The following PDZRN3 variants were observed in gnomAD, a reference collection of about 807,000 sequenced individuals.
PDZRN3 encodes the protein E3 ubiquitin-protein ligase PDZRN3.
PDZRN3 carries 38 observed loss-of-function variants against 85.7 expected under a neutral mutation model. The observed-to-expected ratio is 0.44, with a 90% CI of 0.34 to 0.58. The LOEUF (loss-of-function observed/expected upper bound fraction) is 0.58. Among genes scored for constraint, PDZRN3 ranks in the 20% least tolerant of loss-of-function variants. The probability of loss-of-function intolerance (pLI) is 0.01; values close to 1 mark genes in which losing one functional copy is unlikely to be tolerated. For synonymous variants in PDZRN3, 759 were observed against 638.0 expected, an observed-to-expected ratio of 1.19 and a Z score of -2.86; for missense variants, 1,629 against 1,506.4, an observed-to-expected ratio of 1.08 and a Z score of -1.35.
chr3:73,564,372 C>T (rs1701900967), intron 3 of PDZRN3, among the ~76,000 whole-genome samples: 1 of 152,172 alleles, frequency 6.6e-6, no homozygotes, highest in African/African-American at 2.4e-5. Flanking sequence ...CACTGACAGC[C>T]ATGTGGCCTC....
rs552336589 is a variant in PDZRN3 at position 73,576,538 on chromosome 3, G to A, written c.918+25816C>T. Among the ~76,000 whole-genome samples, 5 of 152,118 alleles carry A rather than the reference G, an allele frequency of 3.3e-5. No individual in the cohort carries two copies. In the South Asian group the frequency reaches 1.0e-3, roughly 32 times the overall value. Reference sequence around the variant, plus strand: ...ATCAGTGATCCCAGCTATATAAAAGGTAGAGAAACAAGTTTTCAGGGTGAT... The same window carrying A: ...ATCAGTGATCCCAGCTATATAAAAGATAGAGAAACAAGTTTTCAGGGTGAT... On this transcript the variant is annotated intron_variant, in intron 3 of 9. Transcript: ENST00000263666.
intron 3 of PDZRN3, among the ~76,000 whole-genome samples, chr3:73,419,431 T>C (rs1320830129): frequency 6.6e-6 from 1 of 152,012 alleles, no homozygotes; most frequent in Non-Finnish European, 1.5e-5. Flanking sequence ...AGCAAAATGG[T>C]GTGTGGGTCT....
chr3:73,409,259 G>A (rs146461853), intron 3 of PDZRN3, among the ~76,000 whole-genome samples: 3 of 152,326 alleles, frequency 2.0e-5, no homozygotes, highest in African/African-American at 7.2e-5. Flanking sequence ...AGACAAGACA[G>A]ACAATTATGC....
At position 73,565,786 on chromosome 3, in the gene PDZRN3, A is replaced by AACACAAAC. The variant is rs1196865835; in HGVS notation, c.918+36567_918+36568insGTTTGTGT. On this transcript the variant is annotated intron_variant, in intron 3 of 9. Transcript: ENST00000263666. The stretch of plus-strand genomic sequence containing the variant: ...AACCCTGTCTCTACTAAAAATACAA[A>AACACAAAC]ACACACACACACACACACACACACA... Among the ~76,000 whole-genome samples the AACACAAAC allele has an allele frequency of 9.7e-4, 37 of 37,970 alleles. 1 individual carries two copies. The highest frequency in any genetic ancestry group is 1.7e-3 in the African/African-American group (36 of 21,320). The allele number at this position is 37,970 out of a possible 152,430, so 24.9% of individuals were successfully genotyped here.
chr3:73,534,389 G>C (rs1404571863), intron 3 of PDZRN3, among the ~76,000 whole-genome samples: 1 of 152,138 alleles, frequency 6.6e-6, no homozygotes, highest in Non-Finnish European at 1.5e-5. Flanking sequence ...GTTAAATTCC[G>C]TCTCTCTTTT....
At chr3:73,397,668 C>G (rs116086847) in intron 5 of PDZRN3, among the ~76,000 whole-genome samples, 177 of 152,322 alleles carry the variant, frequency 1.2e-3, no homozygotes, top group African/African-American at 4.1e-3. Flanking sequence ...CTGCAGTAGG[C>G]CTTAGCTGAT....
At chr3:73,394,700 C>G (rs1165458100) in intron 5 of PDZRN3, among the ~76,000 whole-genome samples, 1 of 152,206 alleles carries the variant, frequency 6.6e-6, no homozygotes, top group Non-Finnish European at 1.5e-5. Flanking sequence ...TTCTTAGGAA[C>G]TCTAAACAAA....
At chr3:73,400,251 A>C (rs566331855) in intron 5 of PDZRN3, among the ~76,000 whole-genome samples, 1 of 152,348 alleles carries the variant, frequency 6.6e-6, no homozygotes, top group South Asian at 2.1e-4. Context: ...AATATATTAT[A>C]CAAGTTAGTG....
chr3:73,385,739 T>C lies in PDZRN3; in HGVS notation c.1565A>G (p.Asp522Gly). Residue 522 changes from aspartate to glycine, a missense_variant, in exon 9 of 10, where the codon GAC becomes GGC. Coordinates refer to ENST00000263666, the MANE Select transcript of PDZRN3 (RefSeq NM_015009.3). ...MDDDRNDFLD[D>G]LHMDMLEEQH... ...CTCCTCCAGCATGTCCATGTGCAGG[T>C]CATCCAGAAAGTCGTTCCTGTCATC... is the stretch of plus-strand genomic sequence containing the variant. The C allele has an allele frequency of 4.3e-6, 7 of 1,614,060 alleles. No homozygotes were observed. Among genetic ancestry groups the C allele is most frequent in the Non-Finnish European group, 5.9e-6 (7 of 1,179,934 alleles).
intron 3 of PDZRN3, among the ~76,000 whole-genome samples, chr3:73,506,395 A>C (rs191457708): frequency 6.6e-6 from 1 of 152,346 alleles, no homozygotes; most frequent in African/African-American, 2.4e-5. Context: ...ATACAAATAA[A>C]GCTTTTCTAC....
At chr3:73,439,567 T>G (rs1404142337) in intron 3 of PDZRN3, among the ~76,000 whole-genome samples, 1 of 152,132 alleles carries the variant, frequency 6.6e-6, no homozygotes, top group Admixed American at 6.5e-5. Context: ...GAGTAAGACG[T>G]GGATGAAAAC....
In PDZRN3 at chr3:73,400,919, T is replaced by C; in HGVS notation, c.1254+3A>G. On this transcript the variant is annotated splice_donor_region_variant and intron_variant, in intron 5 of 9. Coordinates refer to ENST00000263666, the MANE Select transcript of PDZRN3 (RefSeq NM_015009.3). ...TAAAATGAGACAAGGATGTTCTTCATACCTCCAGCTCCAGCTCCTCCCTGT... is the reference window on the plus strand; with the variant it reads ...TAAAATGAGACAAGGATGTTCTTCACACCTCCAGCTCCAGCTCCTCCCTGT... 6.3e-7 allele frequency: 1 copy of C among 1,596,856 alleles called. No homozygotes were observed. The highest frequency in any genetic ancestry group is 8.6e-7 in the Non-Finnish European group (1 of 1,164,178).
chr3:73,542,457 T>C (rs1247247860), intron 3 of PDZRN3, among the ~76,000 whole-genome samples: 1 of 152,098 alleles, frequency 6.6e-6, no homozygotes, highest in Non-Finnish European at 1.5e-5. Context: ...ACGTGGACCA[T>C]GACATAAAAA....
intron 3 of PDZRN3, among the ~76,000 whole-genome samples, chr3:73,466,651 A>G (rs1703224009): frequency 6.6e-6 from 1 of 152,154 alleles, no homozygotes; most frequent in East Asian, 1.9e-4. Context: ...GTTTATCCTC[A>G]CCCTCTCCCT....
chr3:73,412,008 G>A (rs138236965), intron 3 of PDZRN3, among the ~76,000 whole-genome samples: 878 of 152,272 alleles, frequency 5.8e-3, no homozygotes, highest in Non-Finnish European at 9.2e-3. Context: ...GGGCATCTGC[G>A]CATCTGCAGA....
chr3:73,581,849 A>C (rs1702206344), intron 3 of PDZRN3, among the ~76,000 whole-genome samples: 1 of 151,868 alleles, frequency 6.6e-6, no homozygotes, highest in Admixed American at 6.6e-5. Context: ...CTGTAATCCC[A>C]GCACTTTGGG....
At chr3:73,557,437 A>T (rs1482261452) in intron 3 of PDZRN3, among the ~76,000 whole-genome samples, 2 of 152,216 alleles carry the variant, frequency 1.3e-5, no homozygotes, top group African/African-American at 4.8e-5. Flanking sequence ...TCATCTTATG[A>T]TATGAATTTT....
At chr3:73,560,405 T>C (rs910146914) in intron 3 of PDZRN3, among the ~76,000 whole-genome samples, 3 of 152,174 alleles carry the variant, frequency 2.0e-5, no homozygotes, top group Admixed American at 2.0e-4. Flanking sequence ...CCCCCAACTA[T>C]ATAAGGGTGT....
At chr3:73,569,784 C>T (rs1391931672) in intron 3 of PDZRN3, among the ~76,000 whole-genome samples, 1 of 152,158 alleles carries the variant, frequency 6.6e-6, no homozygotes, top group Non-Finnish European at 1.5e-5. Flanking sequence ...AAGGAACTCT[C>T]GAGGGGTTGA....
Sources: gnomAD v4.1 joint callset for allele counts (sites outside exome capture counted in the v4.1 genomes callset) on GRCh38, gnomAD v4.1.1 for gene constraint, MANE v1.5 for transcripts, NCBI Gene and HGNC (gene_info 2026-07-23, HGNC 2026-07-21) for gene names.